COL21A1: variants seen among roughly 807,000 people sequenced by gnomAD.
COL21A1 encodes the protein collagen alpha-1(XXI) chain.
In COL21A1, 149 loss-of-function variants were observed where a neutral mutation model predicts 137.9. That is an observed-to-expected ratio of 1.08 (90% CI 0.95 to 1.24). The LOEUF (loss-of-function observed/expected upper bound fraction) is 1.24. COL21A1 is among the 50% of genes most tolerant of loss of function. The pLI is 0.00. For synonymous variants in COL21A1, 456 were observed against 391.5 expected, an observed-to-expected ratio of 1.16 and a Z score of -1.95; for missense variants, 1,167 against 1,158.4, an observed-to-expected ratio of 1.01 and a Z score of -0.11.
chr6:56,350,447 A>G (rs4715616), intron 1 of COL21A1, among the ~76,000 whole-genome samples: 54,239 of 152,020 alleles, frequency 0.36, 10,477 homozygotes, highest in East Asian at 0.72. Context: ...TTTTCAATAG[A>G]TCCTTTTTTT....
intron 1 of COL21A1, among the ~76,000 whole-genome samples, chr6:56,196,804 C>T (rs1407446455): frequency 6.6e-6 from 1 of 151,956 alleles, no homozygotes; most frequent in Non-Finnish European, 1.5e-5. Flanking sequence ...GTCCATACCA[C>T]CCAAAGGGAT....
intron 1 of COL21A1, among the ~76,000 whole-genome samples, chr6:56,269,753 C>T (rs1250084320): frequency 2.0e-5 from 3 of 151,550 alleles, no homozygotes; most frequent in Non-Finnish European, 4.4e-5. Context: ...CCACAAAAGC[C>T]AGAAGAGGTT....
At chr6:56,257,259 T>C (rs1376364604) in intron 1 of COL21A1, among the ~76,000 whole-genome samples, 1 of 152,340 alleles carries the variant, frequency 6.6e-6, no homozygotes, top group South Asian at 2.1e-4. Flanking sequence ...CAGGGTACTA[T>C]GGAGCTTATT....
chr6:56,201,859 A>C (rs574525898), intron 1 of COL21A1, among the ~76,000 whole-genome samples: 4 of 152,288 alleles, frequency 2.6e-5, no homozygotes, highest in African/African-American at 9.6e-5. Flanking sequence ...CCCACTATTT[A>C]ACTGTTACAT....
At chr6:56,340,306 T>G (rs1048174574) in intron 1 of COL21A1, among the ~76,000 whole-genome samples, 1 of 152,070 alleles carries the variant, frequency 6.6e-6, no homozygotes, top group Non-Finnish European at 1.5e-5. Context: ...GGGACTGAAA[T>G]GAGCTATCAA....
chr6:56,234,398 T>C (rs954846963), intron 1 of COL21A1, among the ~76,000 whole-genome samples: 6 of 151,818 alleles, frequency 4.0e-5, no homozygotes, highest in Admixed American at 3.9e-4. Flanking sequence ...TTCATATTTA[T>C]ATAAGATGCA....
At chr6:56,184,182 C>T (rs748426039) in intron 1 of COL21A1, among the ~76,000 whole-genome samples, 1 of 152,118 alleles carries the variant, frequency 6.6e-6, no homozygotes, top group Non-Finnish European at 1.5e-5. Flanking sequence ...GATCAAAGAA[C>T]TTCAGCAAAC....
intron 10 of COL21A1, among the ~76,000 whole-genome samples, chr6:56,155,469 T>G (rs1400148077): frequency 6.6e-6 from 1 of 152,242 alleles, no homozygotes; most frequent in Non-Finnish European, 1.5e-5. Flanking sequence ...CTTTCATTCC[T>G]CGAACAATTT....
rs1776951818 is a variant in COL21A1, at chr6:56,170,522, T to G, written c.1026+127A>C. 1.2e-5 allele frequency: 8 copies of G among 690,488 alleles called. No homozygotes were observed. The Admixed American group carries it at 2.5e-4, about 21-fold the overall frequency. 42.8% of individuals were successfully genotyped at this position (690,488 alleles called of 1,614,324 possible). A position where few individuals can be genotyped will look rare whatever the true frequency, so the allele number is the denominator to read the frequency against. On this transcript the variant is annotated intron_variant, in intron 5 of 29. Coordinates refer to ENST00000244728, the MANE Select transcript of COL21A1 (RefSeq NM_030820.4). The stretch of plus-strand genomic sequence containing the variant: ...GTTAGTTTTCTTCAACACAGAAACA[T>G]TAAAATTTAAAGTAAAAATATTTCC...
intron 1 of COL21A1, among the ~76,000 whole-genome samples, chr6:56,317,990 C>CTCA (rs1192116172): frequency 6.6e-6 from 1 of 152,166 alleles, no homozygotes; most frequent in African/African-American, 2.4e-5. Flanking sequence ...CAAGGATATG[C>CTCA]TCACATAATT....
At chr6:56,284,514 C>G (rs140544610) in intron 1 of COL21A1, among the ~76,000 whole-genome samples, 2 of 152,178 alleles carry the variant, frequency 1.3e-5, no homozygotes, top group Admixed American at 6.5e-5. Context: ...GCAGTGTCTA[C>G]TGACTATGGC....
chr6:56,081,742 T>C (rs1450337601), intron 17 of COL21A1, among the ~76,000 whole-genome samples: 1 of 151,838 alleles, frequency 6.6e-6, no homozygotes, highest in East Asian at 1.9e-4. Flanking sequence ...CTGTAATTAA[T>C]CTTTAAGGAA....
At chr6:56,261,406 T>C (rs892422813) in intron 1 of COL21A1, among the ~76,000 whole-genome samples, 18 of 152,166 alleles carry the variant, frequency 1.2e-4, no homozygotes, top group African/African-American at 4.3e-4. Context: ...TCTATGGTTA[T>C]GGTATTAGGA....
Position 56,175,738 on chromosome 6 carries a change from T to C in COL21A1, c.640+3840A>G, listed in dbSNP as rs569023004. 8.1e-4 allele frequency among the ~76,000 whole-genome samples: 123 copies of C among 152,266 alleles called. 1 individual carries two copies. Among genetic ancestry groups the C allele is most frequent in the African/African-American group, 2.7e-3 (111 of 41,562 alleles). On this transcript the variant is annotated intron_variant, in intron 3 of 29. Transcript: ENST00000244728. ...ATCTACAGATTCAATGCAATCCCTA[T>C]AAAAATCCCAATAACGTTTTTTATA...
intron 24 of COL21A1, among the ~76,000 whole-genome samples, chr6:56,064,291 C>A (rs775634676): frequency 6.6e-6 from 1 of 151,960 alleles, no homozygotes; most frequent in Non-Finnish European, 1.5e-5. Flanking sequence ...ATAACTACCC[C>A]CAAGAAATGG....
intron 12 of COL21A1, among the ~76,000 whole-genome samples, chr6:56,129,775 A>C (rs547112664): frequency 6.6e-6 from 1 of 151,436 alleles, no homozygotes; most frequent in South Asian, 2.1e-4. Context: ...AAAAGCCTAT[A>C]ACACCCTAGA....
chr6:56,213,005 A>T (rs1780267268), intron 1 of COL21A1, among the ~76,000 whole-genome samples: 1 of 152,208 alleles, frequency 6.6e-6, no homozygotes, highest in East Asian at 1.9e-4. Context: ...TTTAAGCAAG[A>T]GAGAAAGAAA....
At chr6:56,150,514 T>TCTCACACACA (rs1186958042) in intron 10 of COL21A1, among the ~76,000 whole-genome samples, 2 of 46,186 alleles carry the variant, frequency 4.3e-5, no homozygotes, top group South Asian at 6.7e-4. Flanking sequence ...CGAGACTCCA[T>TCTCACACACA]CACACACACA....
chr6:56,199,491 A>G (rs924228082), intron 1 of COL21A1, among the ~76,000 whole-genome samples: 3 of 152,106 alleles, frequency 2.0e-5, no homozygotes, highest in Non-Finnish European at 4.4e-5. Flanking sequence ...AACTTAAAGA[A>G]CATCCTTCTT....
Sources: gnomAD v4.1 joint callset for allele counts (sites outside exome capture counted in the v4.1 genomes callset) on GRCh38, gnomAD v4.1.1 for gene constraint, MANE v1.5 for transcripts, NCBI Gene and HGNC (gene_info 2026-07-23, HGNC 2026-07-21) for gene names.